Variants in INTS6 observed in about 807,000 individuals in gnomAD.
INTS6 encodes integrator complex subunit 6, also known as DEAD box protein.
Under a neutral mutation model 104.9 loss-of-function variants are expected in INTS6, and 16 were observed. The observed-to-expected ratio is 0.15, with a 90% confidence interval of 0.10 to 0.23. The LOEUF (loss-of-function observed/expected upper bound fraction) is 0.23, where lower values mean the gene tolerates loss of function less well. Ranked by LOEUF, INTS6 falls within the 10% of genes least tolerant of loss-of-function variation. The pLI is 1.00. For synonymous variants in INTS6, 324 were observed against 358.7 expected (o/e 0.90, Z 1.09); for missense variants, 584 against 1,062.8 (o/e 0.55, Z 6.26).
chr13:51,446,680 T>A (rs1325097417), intron 3 of INTS6: 1 of 152,222 alleles, frequency 6.6e-6, no homozygotes, highest in Non-Finnish European at 1.5e-5. Flanking sequence ...GATATGTGGA[T>A]AAGCAAAATG....
intron 2 of INTS6, among the ~76,000 whole-genome samples, chr13:51,451,774 C>G (rs1209759652): frequency 2.0e-5 from 3 of 149,668 alleles, no homozygotes; most frequent in East Asian, 2.0e-4. Context: ...GAGGGGACGG[C>G]GGTGGCCCCG....
At chr13:51,373,129 C>G (rs1218786120) in intron 15 of INTS6, among the ~76,000 whole-genome samples, 1 of 151,814 alleles carries the variant, frequency 6.6e-6, no homozygotes, top group African/African-American at 2.4e-5. Context: ...CTAACGGTAT[C>G]CCACATGTTT....
chr13:51,354,583 C>T (rs1439736134), intron 3 of INTS6, among the ~76,000 whole-genome samples: 1 of 149,066 alleles, frequency 6.7e-6, no homozygotes, highest in African/African-American at 2.5e-5. Flanking sequence ...TAGGGAGACC[C>T]CATCTCAGAA....
chr13:51,440,498 T>G (rs1189191030), intron 3 of INTS6: 1 of 152,236 alleles, frequency 6.6e-6, no homozygotes, highest in South Asian at 2.1e-4. Context: ...AGCAGTGTAC[T>G]GTCCCAGGCC....
At chr13:51,434,747 C>G (rs184841686) in intron 3 of INTS6, among the ~76,000 whole-genome samples, 1 of 70,158 alleles carries the variant, frequency 1.4e-5, no homozygotes, top group Non-Finnish European at 2.3e-5. Flanking sequence ...TTCTTATATA[C>G]TGTTTTGCAC....
intron 4 of INTS6, among the ~76,000 whole-genome samples, chr13:51,425,018 A>G (rs1049144974): frequency 1.3e-5 from 2 of 152,030 alleles, no homozygotes; most frequent in African/African-American, 4.8e-5. Context: ...GAATAAAAAC[A>G]TTTTATGGGA....
In INTS6 at chr13:51,362,196, G is replaced by C. The variant is rs1357289984; in HGVS notation, c.*3556C>G. The C allele has an allele frequency of 9.1e-6, 6 of 658,892 alleles. No homozygotes were observed. The highest frequency in any genetic ancestry group is 5.8e-5 in the African/African-American group (3 of 51,734). 40.8% of individuals were successfully genotyped at this position (658,892 alleles called of 1,614,324 possible). On this transcript the variant is annotated 3_prime_UTR_variant, in exon 18 of 18. Transcript: ENST00000311234. ...GAAGACACTTGGAAAAATCATGAAA[G>C]TAAAATAAATTATAAATCTTGCCCT...
chr13:51,411,552 C>CA (rs59096568), intron 4 of INTS6, among the ~76,000 whole-genome samples: 171 of 117,950 alleles, frequency 1.4e-3, no homozygotes, highest in Non-Finnish European at 1.7e-3. Context: ...GACTCCATCT[C>CA]AAAAAAAAAA....
downstream of INTS6, among the ~76,000 whole-genome samples, chr13:51,357,327 C>T (rs914730607): frequency 2.6e-5 from 4 of 152,128 alleles, no homozygotes; most frequent in Non-Finnish European, 5.9e-5. Context: ...GGGTAACTAC[C>T]ACTCACCACA....
chr13:51,380,814 G>A (rs955156945), intron 10 of INTS6, among the ~76,000 whole-genome samples: 3 of 152,052 alleles, frequency 2.0e-5, no homozygotes, highest in African/African-American at 7.2e-5. Flanking sequence ...ACACTATTTT[G>A]AAGTAATCAA....
chr13:51,395,328 T>C lies in INTS6; in HGVS notation c.585A>G (p.Ala195=). ...CTGTCACTTCACACATTGGTGTGAT[T>C]GCAGAGTCATCTAAAGGCACACCTG... is the stretch of plus-strand genomic sequence containing the variant. ...QLTGVPLDDS[A]ITPMCEVTGG... The change falls in exon 5 of 18, where the codon GCA becomes GCG. Residue 195 remains alanine, a synonymous_variant. Coordinates refer to ENST00000311234, the MANE Select transcript of INTS6 (RefSeq NM_012141.3). The C allele has an allele frequency of 6.2e-7, 1 of 1,610,944 alleles. No homozygotes were observed. The highest frequency in any genetic ancestry group is 8.5e-7 in the Non-Finnish European group (1 of 1,179,012).
chr13:51,439,687 ACT>A (rs1952757058), intron 3 of INTS6: 1 of 152,186 alleles, frequency 6.6e-6, no homozygotes, highest in Non-Finnish European at 1.5e-5. Flanking sequence ...CTAGAAATAA[ACT>A]CTAAATTTTC....
At chr13:51,428,362 T>A (rs180731971) in intron 4 of INTS6, among the ~76,000 whole-genome samples, 5 of 151,108 alleles carry the variant, frequency 3.3e-5, no homozygotes, top group Non-Finnish European at 5.9e-5. Flanking sequence ...TCTTGCTCTG[T>A]TGCCCAGGCT....
chr13:51,397,957 C>A (rs990680567), intron 4 of INTS6, among the ~76,000 whole-genome samples: 12 of 151,600 alleles, frequency 7.9e-5, no homozygotes, highest in South Asian at 4.2e-4. Flanking sequence ...AAAAAAAAAA[C>A]CCCAGCAAGG....
At chr13:51,418,512 A>ATCCT (rs901711244) in intron 4 of INTS6, among the ~76,000 whole-genome samples, 8 of 152,144 alleles carry the variant, frequency 5.3e-5, no homozygotes, top group Admixed American at 3.9e-4. Flanking sequence ...ACAAAGCAAG[A>ATCCT]TCCTGTCTCA....
At chr13:51,393,857 C>T (rs1299380907) in intron 5 of INTS6, among the ~76,000 whole-genome samples, 1 of 152,174 alleles carries the variant, frequency 6.6e-6, no homozygotes, top group Non-Finnish European at 1.5e-5. Flanking sequence ...CACTTGACTT[C>T]ACACTCTGAA....
chr13:51,450,067 A>G (rs1191634381), intron 3 of INTS6: 1 of 985,438 alleles, frequency 1.0e-6, no homozygotes, highest in African/African-American at 1.7e-5. Context: ...AGTCACAGAA[A>G]GAATTTCCCT....
At chr13:51,361,222 A>G, downstream of INTS6, 1 of 1,116,532 alleles carries the variant, frequency 9.0e-7, no homozygotes, top group Non-Finnish European at 1.3e-6. Flanking sequence ...TGTGTTCTAA[A>G]TGTGTTAGAA....
intron 11 of INTS6, among the ~76,000 whole-genome samples, 175 bp from the exon 12 acceptor site, chr13:51,378,629 CAAT>C (rs1406287304): frequency 1.3e-5 from 2 of 151,972 alleles, no homozygotes; most frequent in East Asian, 1.9e-4. Flanking sequence ...GTTTAAACAA[CAAT>C]GTCTTATGAT....
Sources: allele counts gnomAD v4.1 joint callset (sites outside exome capture counted in the v4.1 genomes callset), GRCh38; gene constraint gnomAD v4.1.1; transcripts MANE v1.5; gene names NCBI Gene and HGNC (gene_info 2026-07-23, HGNC 2026-07-21).